CDC42BPA: variants seen among roughly 807,000 people sequenced by gnomAD.
CDC42BPA encodes serine/threonine-protein kinase MRCK alpha.
In CDC42BPA, 80 loss-of-function variants were observed where a neutral mutation model predicts 223.5. That is an observed-to-expected ratio of 0.36 (90% CI 0.30 to 0.43). CDC42BPA has a LOEUF of 0.43. Among genes scored for constraint, CDC42BPA ranks in the 20% least tolerant of loss-of-function variants. CDC42BPA has a pLI of 1.00. For synonymous variants in CDC42BPA, 694 were observed against 718.6 expected (o/e 0.97, Z 0.55); for missense variants, 1,743 against 2,099.9 (o/e 0.83, Z 3.32).
chr1:227,079,438 T>C (rs1019341468), intron 17 of CDC42BPA, among the ~76,000 whole-genome samples: 2 of 152,164 alleles, frequency 1.3e-5, no homozygotes, highest in Non-Finnish European at 2.9e-5. Flanking sequence ...TAGTCTAGTA[T>C]CACAGGTTTT....
chr1:227,074,103 C>A, intron 18 of CDC42BPA, 91 bp from the exon 19 acceptor site: 1 of 1,462,738 alleles, frequency 6.8e-7, no homozygotes, highest in Non-Finnish European at 9.4e-7. Context: ...TTTTTCTAAA[C>A]TGGAAAAGAC....
At chr1:227,293,478 T>C (rs913114011) in intron 1 of CDC42BPA, among the ~76,000 whole-genome samples, 1 of 151,144 alleles carries the variant, frequency 6.6e-6, no homozygotes, top group South Asian at 2.1e-4. Context: ...TACATCCCAA[T>C]TGCCATCAGA....
chr1:227,193,506 C>T (rs1035336294), intron 5 of CDC42BPA: 8 of 325,594 alleles, frequency 2.5e-5, no homozygotes, highest in Non-Finnish European at 3.9e-5. Context: ...TCCCTCACCT[C>T]CTCCCACCTT....
chr1:227,123,088 A>T (rs1688949104), intron 11 of CDC42BPA, among the ~76,000 whole-genome samples: 1 of 152,224 alleles, frequency 6.6e-6, no homozygotes, highest in Admixed American at 6.5e-5. Context: ...AGATCACCTT[A>T]GGCCAGGGGT....
chr1:227,107,893 T>C (rs1686216505), intron 14 of CDC42BPA, among the ~76,000 whole-genome samples: 1 of 152,204 alleles, frequency 6.6e-6, no homozygotes, highest in South Asian at 2.1e-4. Flanking sequence ...GTTCCTCTTA[T>C]AATTCTTTTG....
chr1:227,197,043 CA>C (rs539759163), intron 4 of CDC42BPA, among the ~76,000 whole-genome samples: 1 of 152,068 alleles, frequency 6.6e-6, no homozygotes, highest in African/African-American at 2.4e-5. Flanking sequence ...CTGAAACACA[CA>C]AAAAGTCTAC....
intron 4 of CDC42BPA, 131 bp downstream of exon 4, chr1:227,199,426 G>C (rs955791828): frequency 3.6e-6 from 2 of 548,992 alleles, no homozygotes; most frequent in African/African-American, 4.0e-5. Context: ...CATATCAAGT[G>C]AACAACTTAC....
chr1:227,298,956 G>A (rs189416548), intron 1 of CDC42BPA, among the ~76,000 whole-genome samples: 23 of 152,272 alleles, frequency 1.5e-4, no homozygotes, highest in Admixed American at 1.2e-3. Context: ...ACATTCTAGA[G>A]GCTGGTAACT....
chr1:227,314,921 C>G (rs1694123487), intron 1 of CDC42BPA, among the ~76,000 whole-genome samples: 1 of 151,924 alleles, frequency 6.6e-6, no homozygotes, highest in Non-Finnish European at 1.5e-5. Flanking sequence ...GAGGTCAATT[C>G]ACAATTTGGA....
Position 227,145,627 on chromosome 1 carries a change from T to C in CDC42BPA, c.1005A>G (p.Glu335=). The part of the protein sequence containing the change: ...REHRLGQNGI[E]DFKKHPFFSG... Reference sequence around the variant, plus strand: ...TGAAAAATGGGTGTTTCTTAAAGTCTTCTATTCCATTTTGACCAAGTCGAT... The same window carrying C: ...TGAAAAATGGGTGTTTCTTAAAGTCCTCTATTCCATTTTGACCAAGTCGAT... Residue 335 remains glutamate (E), a synonymous_variant, in exon 8 of 37, where the codon GAA becomes GAG. Coordinates refer to ENST00000366766, the MANE Select transcript of CDC42BPA (RefSeq NM_001394014.1). The C allele has an allele frequency of 6.2e-7, 1 of 1,613,928 alleles. No individual in the cohort carries two copies. The highest frequency in any genetic ancestry group is 1.1e-5 in the South Asian group (1 of 91,078).
intron 12 of CDC42BPA, among the ~76,000 whole-genome samples, chr1:227,114,736 C>T (rs1687503905): frequency 6.6e-6 from 1 of 152,030 alleles, no homozygotes; most frequent in Admixed American, 6.6e-5. Context: ...AAAGGAAATG[C>T]TCACTGGAGC....
intron 6 of CDC42BPA, 33 bp downstream of exon 6, chr1:227,160,510 G>A (rs1316662912): frequency 1.2e-5 from 16 of 1,300,692 alleles, no homozygotes; most frequent in Non-Finnish European, 1.8e-5. Flanking sequence ...AAATGTCTGT[G>A]AACAAAATAA....
Position 227,211,089 on chromosome 1 carries a change from CT to C in CDC42BPA, c.354+2046del, listed in dbSNP as rs752404301. 5.3e-5 allele frequency among the ~76,000 whole-genome samples: 8 copies of C among 152,264 alleles called. No homozygotes were observed. In the East Asian group the frequency reaches 1.4e-3, roughly 26 times the overall value. On this transcript the variant is annotated intron_variant, in intron 3 of 36. Coordinates refer to ENST00000366766, the MANE Select transcript of CDC42BPA (RefSeq NM_001394014.1). ...CAAATATCTGCACAATAAACTCAAT[CT>C]CGGTATTTACTCCTTGAGAAATCCA...
At chr1:227,214,829 G>C (rs1239356909) in intron 2 of CDC42BPA, among the ~76,000 whole-genome samples, 5 of 152,130 alleles carry the variant, frequency 3.3e-5, no homozygotes, top group Admixed American at 2.0e-4. Flanking sequence ...AATAACAGTA[G>C]TGGTAGTAGT....
intron 1 of CDC42BPA, among the ~76,000 whole-genome samples, chr1:227,297,969 C>CATAT (rs1558984998): frequency 3.2e-5 from 2 of 63,106 alleles, no homozygotes; most frequent in African/African-American, 1.2e-4. Flanking sequence ...TATACATATA[C>CATAT]ACACACACAC....
At chr1:227,116,036 G>T (rs1687733457) in intron 12 of CDC42BPA, among the ~76,000 whole-genome samples, 1 of 152,088 alleles carries the variant, frequency 6.6e-6, no homozygotes, top group Non-Finnish European at 1.5e-5. Flanking sequence ...CTATGACCTT[G>T]AGCAAGTGAA....
chr1:227,107,025 G>C (rs924743846), intron 14 of CDC42BPA, among the ~76,000 whole-genome samples: 5 of 151,966 alleles, frequency 3.3e-5, no homozygotes, highest in South Asian at 2.1e-4. Flanking sequence ...TGATTGTTTT[G>C]GCTGTCCAGG....
At chr1:227,147,639 C>T in intron 6 of CDC42BPA, 80 bp from the exon 7 acceptor site, 1 of 693,532 alleles carries the variant, frequency 1.4e-6, no homozygotes, top group Non-Finnish European at 2.3e-6. Context: ...ACACAATAGA[C>T]ATTATTATCT....
rs754783131 is a variant in CDC42BPA, at chr1:226,994,838, C to T, written c.5118G>A (p.Arg1706=). The change falls in exon 36 of 37, where the codon AGG becomes AGA. Residue 1706 remains arginine (R), a synonymous_variant. Transcript: ENST00000366766. This position sits in a 1 kb window ranked among gnomAD's most constrained non-coding sequence, Gnocchi z 4.0. ...GMDQGSDAPA[R]DFDGEDSDSP... ...GCCCACTCACCTCTCCGTCAAAGTCCCTCGCTGGGGCATCACTTCCTTGGT... is the reference window on the plus strand; with the variant it reads ...GCCCACTCACCTCTCCGTCAAAGTCTCTCGCTGGGGCATCACTTCCTTGGT... 4 of 1,612,328 alleles carry T rather than the reference C, an allele frequency of 2.5e-6. No homozygotes were observed. Among genetic ancestry groups the T allele is most frequent in the Non-Finnish European group, 3.4e-6 (4 of 1,178,996 alleles).
Sources: allele counts gnomAD v4.1 joint callset (sites outside exome capture counted in the v4.1 genomes callset), GRCh38; gene constraint gnomAD v4.1.1; non-coding constraint Gnocchi (gnomAD v3.1); transcripts MANE v1.5; gene names NCBI Gene and HGNC (gene_info 2026-07-23, HGNC 2026-07-21).